TNFRSF13B: variants seen among roughly 807,000 people sequenced by gnomAD.
TNFRSF13B encodes tumor necrosis factor receptor superfamily member 13B.
A neutral mutation model predicts 24.0 loss-of-function variants in TNFRSF13B; 34 were observed. The observed-to-expected ratio is 1.41, with a 90% CI of 1.08 to 1.88. The LOEUF is 1.88. Among genes scored for constraint, TNFRSF13B ranks in the 40% most tolerant of loss-of-function variants. The pLI, the probability that TNFRSF13B is intolerant of heterozygous loss-of-function variation, is 0.00. For synonymous variants in TNFRSF13B, 173 were observed against 150.3 expected (o/e 1.15, Z -1.10); for missense variants, 415 against 380.8 (o/e 1.09, Z -0.75).
At chr17:16,963,846 G>A (rs533031244) in intron 1 of TNFRSF13B, among the ~76,000 whole-genome samples, 10 of 152,310 alleles carry the variant, frequency 6.6e-5, no homozygotes, top group Admixed American at 2.6e-4. Context: ...CACAGAGCCC[G>A]GCCTTTCTCA....
chr17:16,942,969 C>A (rs2087522365), intron 3 of TNFRSF13B, among the ~76,000 whole-genome samples: 1 of 152,200 alleles, frequency 6.6e-6, no homozygotes, highest in African/African-American at 2.4e-5. Context: ...GGTGTTTGCT[C>A]CCTTGGGCCT....
chr17:16,963,587 C>T (rs1475333321), intron 1 of TNFRSF13B, among the ~76,000 whole-genome samples: 2 of 152,094 alleles, frequency 1.3e-5, no homozygotes, highest in East Asian at 3.9e-4. Context: ...TCTGGCACTG[C>T]CACCCAGGCT....
intron 3 of TNFRSF13B, among the ~76,000 whole-genome samples, chr17:16,944,455 G>T (rs2087533455): frequency 6.6e-6 from 1 of 152,146 alleles, no homozygotes; most frequent in Non-Finnish European, 1.5e-5. Context: ...TCGGTAGCTT[G>T]CTCCAGGTCA....
At position 16,940,274 on chromosome 17, in the gene TNFRSF13B, G is replaced by T. The variant is rs1469400288; in HGVS notation, c.631+52C>A. On this transcript the variant is annotated intron_variant, in intron 4 of 4. Coordinates refer to ENST00000261652, the MANE Select transcript of TNFRSF13B (RefSeq NM_012452.3). ...TGACAGGACCGAGGGATGGCCCGAG[G>T]CTTGTCACCCAAGCAGCGAGAAGGG... is the stretch of plus-strand genomic sequence containing the variant. 3.3e-5 allele frequency: 53 copies of T among 1,611,642 alleles called. 2 individuals are homozygous for T. In the South Asian group the frequency reaches 5.8e-4, roughly 18 times the overall value.
chr17:16,939,927 A>T, intron 4 of TNFRSF13B, 130 bp from the exon 5 acceptor site: 1 of 1,317,118 alleles, frequency 7.6e-7, no homozygotes, highest in Non-Finnish European at 1.0e-6. Context: ...ACGCCCCCAG[A>T]CAGGTGTCAG....
chr17:16,944,010 C>T (rs923940179), intron 3 of TNFRSF13B, among the ~76,000 whole-genome samples: 3 of 152,172 alleles, frequency 2.0e-5, no homozygotes, highest in African/African-American at 7.2e-5. Context: ...GCTTGGGAGC[C>T]TGCCCTCCTC....
At chr17:16,959,597 G>A (rs2087647817) in intron 1 of TNFRSF13B, among the ~76,000 whole-genome samples, 1 of 151,864 alleles carries the variant, frequency 6.6e-6, no homozygotes, top group Non-Finnish European at 1.5e-5. Context: ...GACTGACTAT[G>A]AAAAAGAGAG....
At chr17:16,947,454 A>G (rs2087557206) in intron 3 of TNFRSF13B, among the ~76,000 whole-genome samples, 1 of 152,264 alleles carries the variant, frequency 6.6e-6, no homozygotes, top group South Asian at 2.1e-4. Flanking sequence ...TATGCACCCA[A>G]CAAAGGTCTA....
chr17:16,959,366 AAAG>A (rs1201165576), intron 1 of TNFRSF13B, among the ~76,000 whole-genome samples: 5 of 152,062 alleles, frequency 3.3e-5, no homozygotes, highest in Admixed American at 1.3e-4. Flanking sequence ...ATACACTGAA[AAAG>A]AAGAATCATA....
chr17:16,939,238 GC>G lies in TNFRSF13B; in HGVS notation c.*308del, dbSNP rs2087486573. The G allele has an allele frequency of 3.1e-6, 1 of 326,250 alleles. No homozygotes were observed. Among genetic ancestry groups the G allele is most frequent in the Admixed American group, 4.9e-5 (1 of 20,498 alleles). 20.2% of individuals were successfully genotyped at this position (326,250 alleles called of 1,614,324 possible). ...GGGACTCAGAGTGCCCCGACCTCCT[GC>G]TCTATCTCTCTCTGTCCCTCTCTCC... On this transcript the variant is annotated 3_prime_UTR_variant, in exon 5 of 5. Coordinates refer to ENST00000261652, the MANE Select transcript of TNFRSF13B (RefSeq NM_012452.3).
rs374547688 is a variant in TNFRSF13B, at chr17:16,952,500, A to G, written c.145T>C (p.Ser49Pro). ...YWDPLLGTCMSCKTICNHQSQ... is the reference protein window; with the variant it reads ...YWDPLLGTCMPCKTICNHQSQ... ...TGATGGTTGCAAATGGTTTTGCAGG[A>G]CATGCAGGTACCCAGCAGAGGATCC... is the stretch of plus-strand genomic sequence containing the variant. The change falls in exon 2 of 5, where the codon TCC (serine) becomes CCC (proline). Residue 49 changes from serine to proline, a missense_variant. Ser to Pro is a moderately conservative substitution (Grantham distance 74). Transcript: ENST00000261652. The G allele has an allele frequency of 3.5e-5, 56 of 1,614,184 alleles. No homozygotes were observed. In the Admixed American group the frequency reaches 9.3e-4, roughly 27 times the overall value.
intron 1 of TNFRSF13B, among the ~76,000 whole-genome samples, chr17:16,968,148 AAAAAAAAAG>A (rs2087718485): frequency 1.4e-5 from 2 of 137,974 alleles, no homozygotes; most frequent in South Asian, 4.7e-4. Flanking sequence ...TCTCAAAAAA[AAAAAAAAAG>A]AAAAAAGAAA....
chr17:16,940,083 A>G, intron 4 of TNFRSF13B: 1 of 1,145,196 alleles, frequency 8.7e-7, no homozygotes, highest in South Asian at 1.6e-5. Context: ...CTGCATCTGG[A>G]GAATCCTGGG....
Position 16,939,652 on chromosome 17 carries a change from C to T in TNFRSF13B, c.777G>A (p.Trp259Ter), listed in dbSNP as rs1473965551. 1.2e-6 allele frequency: 2 copies of T among 1,612,678 alleles called. No individual in the cohort carries two copies. Among genetic ancestry groups the T allele is most frequent in the Non-Finnish European group, 1.7e-6 (2 of 1,178,976 alleles). ...GTPDPTCAGR[W>*]GCHTRTTVLQ... ...GGACTGTGGTCCTGGTGTGGCACCC[C>T]CACCTTCCAGCACAAGTGGGGTCGG... The change falls in exon 5 of 5, where the codon TGG (tryptophan) becomes TGA (stop). Residue 259 changes from tryptophan to a stop codon, truncating the protein, a stop_gained. Transcript: ENST00000261652. LOFTEE classifies it low-confidence loss of function (END_TRUNC).
chr17:16,953,976 AG>A (rs2087608177), intron 1 of TNFRSF13B, among the ~76,000 whole-genome samples: 1 of 152,224 alleles, frequency 6.6e-6, no homozygotes, highest in Non-Finnish European at 1.5e-5. Flanking sequence ...TATGTTGGCC[AG>A]TCTGGTCTCA....
chr17:16,964,018 T>C (rs1165342913), intron 1 of TNFRSF13B, among the ~76,000 whole-genome samples: 1 of 151,972 alleles, frequency 6.6e-6, no homozygotes, highest in Non-Finnish European at 1.5e-5. Flanking sequence ...TGGGAATGGA[T>C]GGTGACCTTA....
chr17:16,940,392 T>A lies in TNFRSF13B; in HGVS notation c.565A>T (p.Arg189Trp). Reference sequence around the variant, plus strand: ...GGCTGGCAGGAGCAGGGATCCCCCCTCTTCTTGAGGAAGCAGGCCACCGCC... The same window carrying A: ...GGCTGGCAGGAGCAGGGATCCCCCCACTTCTTGAGGAAGCAGGCCACCGCC... ...LVAVACFLKK[R>W]GDPCSCQPRS... Residue 189 changes from arginine to tryptophan, a missense_variant, in exon 4 of 5, where the codon AGG becomes TGG. By Grantham distance (101) the Arg-to-Trp change is moderately radical. Coordinates refer to ENST00000261652, the MANE Select transcript of TNFRSF13B (RefSeq NM_012452.3). 6.2e-7 allele frequency: 1 copy of A among 1,611,318 alleles called. No individual in the cohort carries two copies. The highest frequency in any genetic ancestry group is 8.5e-7 in the Non-Finnish European group (1 of 1,179,966).
rs2087490459 is a variant in TNFRSF13B, at chr17:16,939,478, C to T, written c.*69G>A. On this transcript the variant is annotated 3_prime_UTR_variant, in exon 5 of 5. Transcript: ENST00000261652. ...CTCTCCTCATATCTCTCTCCCCTCT[C>T]CCCACCTCTCTTTCTCTCTCCCCTC... 1 of 1,525,910 alleles carries T rather than the reference C, an allele frequency of 6.6e-7. No individual in the cohort carries two copies. The highest frequency in any genetic ancestry group is 1.2e-5 in the South Asian group (1 of 81,394). 94.5% of individuals were successfully genotyped at this position (1,525,910 alleles called of 1,614,324 possible). A position where few individuals can be genotyped will look rare whatever the true frequency, so the allele number is the denominator to read the frequency against.
At chr17:16,966,819 G>GTTTTTT (rs1395115965) in intron 1 of TNFRSF13B, among the ~76,000 whole-genome samples, 1 of 125,906 alleles carries the variant, frequency 7.9e-6, no homozygotes. Context: ...GGTTTTTTTT[G>GTTTTTT]TTTTTTCTTT....
Sources: allele counts gnomAD v4.1 joint callset (sites outside exome capture counted in the v4.1 genomes callset), GRCh38; gene constraint gnomAD v4.1.1; transcripts MANE v1.5; gene names NCBI Gene and HGNC (gene_info 2026-07-23, HGNC 2026-07-21).